The following GTF2E2 variants were observed in gnomAD, a reference collection of about 807,000 sequenced individuals.
GTF2E2 encodes transcription initiation factor IIE subunit beta.
Under a neutral mutation model 40.5 loss-of-function variants are expected in GTF2E2, and 21 were observed. That is an observed-to-expected ratio of 0.52 (90% CI 0.37 to 0.75). The LOEUF is 0.75. Ranked by LOEUF, GTF2E2 falls within the 30% of genes least tolerant of loss-of-function variation. The probability of loss-of-function intolerance (pLI) is 0.00; values close to 1 mark genes in which losing one functional copy is unlikely to be tolerated. For synonymous variants in GTF2E2, 117 were observed against 121.6 expected (o/e 0.96, Z 0.25); for missense variants, 298 against 338.4 (o/e 0.88, Z 0.94).
intron 6 of GTF2E2, 61 bp from the exon 7 acceptor site, chr8:30,580,457 C>G: frequency 1.1e-6 from 1 of 947,386 alleles, no homozygotes; most frequent in Non-Finnish European, 1.7e-6. Flanking sequence ...GCATCTTGAT[C>G]AAAATCCAGG....
chr8:30,593,927 T>C (rs1828919361), intron 6 of GTF2E2, among the ~76,000 whole-genome samples: 1 of 151,950 alleles, frequency 6.6e-6, no homozygotes, highest in African/African-American at 2.4e-5. Flanking sequence ...ATATTTATTT[T>C]TTATTTTTTT....
At chr8:30,589,637 T>C (rs1406197577) in intron 6 of GTF2E2, among the ~76,000 whole-genome samples, 1 of 152,216 alleles carries the variant, frequency 6.6e-6, no homozygotes, top group Non-Finnish European at 1.5e-5. Flanking sequence ...TCCTCAACAT[T>C]TCAACAAGTA....
At chr8:30,581,595 A>C (rs1828515971) in intron 6 of GTF2E2, among the ~76,000 whole-genome samples, 1 of 152,212 alleles carries the variant, frequency 6.6e-6, no homozygotes, top group South Asian at 2.1e-4. Context: ...ATTCAACCTG[A>C]GCATAAAGTT....
intron 6 of GTF2E2, among the ~76,000 whole-genome samples, chr8:30,581,997 ACTGTTTT>A (rs1348976512): frequency 6.6e-6 from 1 of 152,114 alleles, no homozygotes; most frequent in African/African-American, 2.4e-5. Context: ...GACAAGACAG[ACTGTTTT>A]CTTTTTTTAA....
chr8:30,617,129 A>T (rs959728802), intron 3 of GTF2E2, among the ~76,000 whole-genome samples: 4 of 152,100 alleles, frequency 2.6e-5, no homozygotes, highest in Admixed American at 2.6e-4. Context: ...AGAAAAAAAA[A>T]CCCAAGCTCC....
At chr8:30,615,850 T>G (rs75504156) in intron 3 of GTF2E2, among the ~76,000 whole-genome samples, 1 of 152,152 alleles carries the variant, frequency 6.6e-6, no homozygotes, top group East Asian at 1.9e-4. Flanking sequence ...CAAAAAATTA[T>G]GTACATACAA....
At position 30,627,363 on chromosome 8, in the gene GTF2E2, A is replaced by G. The variant is rs148196799; in HGVS notation, c.258+7669T>C. On this transcript the variant is annotated intron_variant, in intron 3 of 7. Transcript: ENST00000355904. ...TGGTGTCTTCATATCTGGAAACAAGAAGTCCATCTTAGAGAAACTGTGTTG... is the reference window on the plus strand; with the variant it reads ...TGGTGTCTTCATATCTGGAAACAAGGAGTCCATCTTAGAGAAACTGTGTTG... 3.8e-3 allele frequency among the ~76,000 whole-genome samples: 570 copies of G among 151,658 alleles called. 7 individuals carry two copies. Among genetic ancestry groups the G allele is most frequent in the African/African-American group, 0.013 (521 of 41,276 alleles).
At chr8:30,622,418 T>C (rs1397617999) in intron 3 of GTF2E2, among the ~76,000 whole-genome samples, 4 of 141,680 alleles carry the variant, frequency 2.8e-5, no homozygotes, top group Non-Finnish European at 4.8e-5. Flanking sequence ...GTCACAGAGA[T>C]CATGTGCTTC....
chr8:30,627,448 C>CAAAAAAAAAAAAA (rs71539905), intron 3 of GTF2E2, among the ~76,000 whole-genome samples: 1 of 64,778 alleles, frequency 1.5e-5, no homozygotes, highest in Non-Finnish European at 2.8e-5. Context: ...ACCTCTCTTG[C>CAAAAAAAAAAAAA]AAAAAAAAAA....
At chr8:30,649,631 G>C (rs149558632) in intron 2 of GTF2E2, among the ~76,000 whole-genome samples, 108 of 152,248 alleles carry the variant, frequency 7.1e-4, no homozygotes, top group African/African-American at 2.4e-3. Context: ...GATCACCTGA[G>C]GTCAGGAGCT....
At chr8:30,646,945 A>ACTC (rs1239125601) in intron 2 of GTF2E2, among the ~76,000 whole-genome samples, 1 of 119,856 alleles carries the variant, frequency 8.3e-6, no homozygotes, top group East Asian at 2.9e-4. Flanking sequence ...ATGCCAATGC[A>ACTC]CTCTAGCCTG....
chr8:30,637,005 G>A, intron 2 of GTF2E2: 1 of 425,516 alleles, frequency 2.4e-6, no homozygotes. Context: ...AAACACTATG[G>A]TAAATATTCA....
chr8:30,600,211 G>A (rs1382083357), intron 6 of GTF2E2, among the ~76,000 whole-genome samples: 1 of 152,166 alleles, frequency 6.6e-6, no homozygotes, highest in Admixed American at 6.5e-5. Flanking sequence ...CACAAATGTG[G>A]CCTGAGACTG....
chr8:30,645,801 G>A, intron 2 of GTF2E2: 1 of 540,414 alleles, frequency 1.9e-6, no homozygotes, highest in Non-Finnish European at 3.2e-6. Flanking sequence ...CTTCATGAAT[G>A]TGAATTTACT....
intron 4 of GTF2E2, 49 bp from the exon 5 acceptor site, chr8:30,612,530 T>C: frequency 1.9e-6 from 2 of 1,076,220 alleles, no homozygotes; most frequent in Non-Finnish European, 2.6e-6. Flanking sequence ...AACATAAATA[T>C]ATATATATAT....
At chr8:30,585,935 A>T (rs1177260819) in intron 6 of GTF2E2, among the ~76,000 whole-genome samples, 2 of 152,060 alleles carry the variant, frequency 1.3e-5, no homozygotes, top group African/African-American at 4.8e-5. Context: ...TTAAAAAACA[A>T]GCCGGGCATG....
chr8:30,635,025 T>C lies in GTF2E2; in HGVS notation c.258+7A>G, dbSNP rs376311110. 8 of 1,496,232 alleles carry C rather than the reference T, an allele frequency of 5.3e-6. No homozygotes were observed. Among genetic ancestry groups the C allele is most frequent in the Non-Finnish European group, 5.6e-6 (6 of 1,077,976 alleles). 92.7% of individuals were successfully genotyped at this position (1,496,232 alleles called of 1,614,324 possible). Reference sequence around the variant, plus strand: ...TAGGACTTTTGCTATCTGAGAAAAGTACTTACCTTCATGTAATTCACAATC... The same window carrying C: ...TAGGACTTTTGCTATCTGAGAAAAGCACTTACCTTCATGTAATTCACAATC... On this transcript the variant is annotated splice_region_variant and intron_variant, in intron 3 of 7. Coordinates refer to ENST00000355904, the MANE Select transcript of GTF2E2 (RefSeq NM_002095.6).
At chr8:30,640,555 G>T (rs904711545) in intron 2 of GTF2E2, among the ~76,000 whole-genome samples, 21 of 152,072 alleles carry the variant, frequency 1.4e-4, no homozygotes, top group African/African-American at 5.1e-4. Context: ...GCATGGGTAG[G>T]GAAGTCCAGA....
At chr8:30,607,901 C>A (rs1391964642) in intron 5 of GTF2E2, among the ~76,000 whole-genome samples, 1 of 152,158 alleles carries the variant, frequency 6.6e-6, no homozygotes, top group Non-Finnish European at 1.5e-5. Context: ...ATGATTAAAT[C>A]ACCTAGAAAT....
Sources: gnomAD v4.1 joint callset for allele counts (sites outside exome capture counted in the v4.1 genomes callset) on GRCh38, gnomAD v4.1.1 for gene constraint, MANE v1.5 for transcripts, NCBI Gene and HGNC (gene_info 2026-07-23, HGNC 2026-07-21) for gene names.